TEX38: variants seen among roughly 807,000 people sequenced by gnomAD.
TEX38 encodes the protein testis-expressed protein 38.
In TEX38, 5 loss-of-function variants were observed where a neutral mutation model predicts 2.7. The ratio of observed to expected loss-of-function variants is 1.86; its 90% confidence interval spans 0.97 to 3.90. The LOEUF is 3.90. Ranked by LOEUF, TEX38 falls within the 30% of genes most tolerant of loss-of-function variation. TEX38 has a pLI of 0.00. For synonymous variants in TEX38, 110 were observed against 103.3 expected (o/e 1.06, Z -0.39); for missense variants, 218 against 247.9 (o/e 0.88, Z 0.81).
In TEX38 at chr1:46,672,871, A is replaced by C; in HGVS notation, c.38-2A>C. 1.3e-6 allele frequency: 2 copies of C among 1,547,944 alleles called. No individual in the cohort carries two copies. Among genetic ancestry groups the C allele is most frequent in the East Asian group, 4.9e-5 (2 of 40,810 alleles). ...GCCTCTTTTTCTTTCTTGCTGCCTTAGTGTGGGTCTCATTGTACTTTGGAA... is the reference window on the plus strand; with the variant it reads ...GCCTCTTTTTCTTTCTTGCTGCCTTCGTGTGGGTCTCATTGTACTTTGGAA... On this transcript the variant is annotated splice_acceptor_variant, in intron 1 of 1. Transcript: ENST00000334122. LOFTEE classifies it high-confidence loss of function.
At chr1:46,672,091 GT>G in intron 1 of TEX38, 120 bp downstream of exon 1, 1 of 958,854 alleles carries the variant, frequency 1.0e-6, no homozygotes. Flanking sequence ...GAGCTAAGCA[GT>G]TAGGAGATAG....
At chr1:46,671,182 C>T (rs1450474913), upstream of TEX38, among the ~76,000 whole-genome samples, 1 of 152,120 alleles carries the variant, frequency 6.6e-6, no homozygotes, top group African/African-American at 2.4e-5. Flanking sequence ...TGGGCAGGGG[C>T]ACTCCTGGGT....
chr1:46,673,204 A>G lies in TEX38; in HGVS notation c.369A>G (p.Glu123=), dbSNP rs1421308618. Residue 123 remains glutamate (E), a synonymous_variant, in exon 2 of 2, where the codon GAA becomes GAG. Transcript: ENST00000334122. ...ACCAAGACAGCAACCCCAAGGCGGA[A>G]GCCCCTGCTCCCCTGCAACCTGCAC... is the stretch of plus-strand genomic sequence containing the variant. The part of the protein sequence containing the change: ...HADQDSNPKA[E]APAPLQPALQ... 2 of 1,550,802 alleles carry G rather than the reference A, an allele frequency of 1.3e-6. No individual in the cohort carries two copies.
At chr1:46,671,780 A>C (rs1353377083), upstream of TEX38, 1 of 781,534 alleles carries the variant, frequency 1.3e-6, no homozygotes, top group East Asian at 2.7e-5. Flanking sequence ...AGAATGCCCA[A>C]TTCTCAGAAC....
At chr1:46,671,823 TG>T, upstream of TEX38, 1 of 1,107,322 alleles carries the variant, frequency 9.0e-7, no homozygotes, top group Non-Finnish European at 1.3e-6. Flanking sequence ...ACAAAGGGCC[TG>T]GGCATTCTGG....
At chr1:46,671,327 T>C (rs1676578614), upstream of TEX38, among the ~76,000 whole-genome samples, 1 of 152,080 alleles carries the variant, frequency 6.6e-6, no homozygotes, top group African/African-American at 2.4e-5. Flanking sequence ...GGCCAGATGG[T>C]GGGAAGCCCC....
In TEX38 at chr1:46,673,200, C is replaced by T. The variant is rs1327371605; in HGVS notation, c.365C>T (p.Ala122Val). ...SHADQDSNPK[A>V]EAPAPLQPAL... Reference sequence around the variant, plus strand: ...GCTGACCAAGACAGCAACCCCAAGGCGGAAGCCCCTGCTCCCCTGCAACCT... The same window carrying T: ...GCTGACCAAGACAGCAACCCCAAGGTGGAAGCCCCTGCTCCCCTGCAACCT... Residue 122 changes from alanine to valine, a missense_variant, in exon 2 of 2, where the codon GCG becomes GTG. Transcript: ENST00000334122. 6.4e-6 allele frequency: 10 copies of T among 1,550,560 alleles called. No individual in the cohort carries two copies. In the African/African-American group the frequency reaches 8.2e-5, roughly 13 times the overall value.
chr1:46,672,444 C>T (rs908532600), intron 1 of TEX38, among the ~76,000 whole-genome samples: 1 of 152,102 alleles, frequency 6.6e-6, no homozygotes, highest in African/African-American at 2.4e-5. Context: ...GGGGTTTCAC[C>T]ATGTTGGCCA....
chr1:46,673,264 C>T lies in TEX38; in HGVS notation c.429C>T (p.Ser143=), dbSNP rs1038104626. The change falls in exon 2 of 2, where the codon TCC becomes TCT. Residue 143 remains serine (S), a synonymous_variant. Transcript: ENST00000334122. ...QLAPQQPQAR[S]PFPLPIFQEV... ...CTCCACAGCAGCCCCAGGCCAGATC[C>T]CCATTCCCACTTCCCATCTTTCAGG... 1.3e-6 allele frequency: 2 copies of T among 1,551,544 alleles called. No homozygotes were observed. Among genetic ancestry groups the T allele is most frequent in the East Asian group, 2.4e-5 (1 of 40,920 alleles).
rs751367873 is a variant in TEX38, at chr1:46,673,020, A to G, written c.185A>G (p.Tyr62Cys). The G allele has an allele frequency of 1.4e-5, 21 of 1,551,732 alleles. 1 individual carries two copies. The South Asian group carries it at 2.5e-4, about 18-fold the overall frequency. The change falls in exon 2 of 2, where the codon TAC becomes TGC. Residue 62 changes from tyrosine (Y) to cysteine (C), a missense_variant. By Grantham distance (194) the Tyr-to-Cys change is radical. Coordinates refer to ENST00000334122, the MANE Select transcript of TEX38 (RefSeq NM_001145474.4). ...VEVMRAATFT[Y>C]SPLLYWINKR... ...GTGATGAGAGCTGCCACATTCACCT[A>G]CAGCCCATTGTTGTACTGGATTAAC...
upstream of TEX38, among the ~76,000 whole-genome samples, chr1:46,670,471 G>A (rs902382833): frequency 6.6e-6 from 1 of 152,192 alleles, no homozygotes; most frequent in Non-Finnish European, 1.5e-5. Context: ...GGCAAGGAGG[G>A]ATGTCAACCA....
Position 46,673,205 on chromosome 1 carries a change from G to A in TEX38, c.370G>A (p.Ala124Thr). ...CCAAGACAGCAACCCCAAGGCGGAAGCCCCTGCTCCCCTGCAACCTGCACT... is the reference window on the plus strand; with the variant it reads ...CCAAGACAGCAACCCCAAGGCGGAAACCCCTGCTCCCCTGCAACCTGCACT... ...ADQDSNPKAE[A>T]PAPLQPALQL... Residue 124 changes from alanine (A) to threonine (T), a missense_variant, in exon 2 of 2, where the codon GCC becomes ACC. Transcript: ENST00000334122. 1.3e-6 allele frequency: 2 copies of A among 1,550,590 alleles called. No homozygotes were observed. The highest frequency in any genetic ancestry group is 1.7e-6 in the Non-Finnish European group (2 of 1,146,350).
At chr1:46,671,267 G>A (rs765586814), upstream of TEX38, among the ~76,000 whole-genome samples, 1 of 152,162 alleles carries the variant, frequency 6.6e-6, no homozygotes, top group Non-Finnish European at 1.5e-5. Flanking sequence ...TAGGCAAAAG[G>A]GAAAAGTGTG....
At chr1:46,669,104 G>A (rs1015825312), upstream of TEX38, 4 of 212,376 alleles carry the variant, frequency 1.9e-5, no homozygotes, top group Admixed American at 9.5e-5. Context: ...CTTCCTTACC[G>A]TCTGAACCAG....
At position 46,671,976 on chromosome 1, in the gene TEX38, G is replaced by A. The variant is rs1335536802; in HGVS notation, c.37+5G>A. 6.5e-7 allele frequency: 1 copy of A among 1,533,934 alleles called. No homozygotes were observed. Among genetic ancestry groups the A allele is most frequent in the Admixed American group, 2.0e-5 (1 of 49,796 alleles). On this transcript the variant is annotated splice_donor_5th_base_variant and intron_variant, in intron 1 of 1. Coordinates refer to ENST00000334122, the MANE Select transcript of TEX38 (RefSeq NM_001145474.4). Reference sequence around the variant, plus strand: ...AGGACCTGCGCTTCCCTGGGAGTAAGTGCTCCTCCAGTCCCTGTCACTGGA... The same window carrying A: ...AGGACCTGCGCTTCCCTGGGAGTAAATGCTCCTCCAGTCCCTGTCACTGGA...
upstream of TEX38, chr1:46,671,681 A>T (rs1676584234): frequency 1.2e-5 from 6 of 521,670 alleles, no homozygotes; most frequent in South Asian, 9.5e-5. Context: ...TCTCTGATGG[A>T]AGTAGTAGTG....
intron 1 of TEX38, 93 bp from the exon 2 acceptor site, chr1:46,672,780 G>T: frequency 1.8e-6 from 2 of 1,142,030 alleles, no homozygotes; most frequent in Non-Finnish European, 2.5e-6. Flanking sequence ...AGCGATTGAT[G>T]CATGGGTTAA....
chr1:46,672,002 C>G, intron 1 of TEX38, 31 bp downstream of exon 1: 1 of 1,504,438 alleles, frequency 6.6e-7, no homozygotes, highest in South Asian at 1.3e-5. Flanking sequence ...TGTCACTGGA[C>G]TTGTGCCTTA....
Position 46,673,333 on chromosome 1 carries a change from G to A in TEX38, c.498G>A (p.Leu166=), listed in dbSNP as rs901030555. The A allele has an allele frequency of 4.5e-6, 7 of 1,551,602 alleles. No homozygotes were observed. Among genetic ancestry groups the A allele is most frequent in the Non-Finnish European group, 6.1e-6 (7 of 1,147,012 alleles). The stretch of plus-strand genomic sequence containing the variant: ...CCTTGTGCAACCTACCCCCCCTGCT[G>A]AACCACTCTGTCTCCTATCCTTTGG... ...APPLCNLPPL[L]NHSVSYPLAT... is the part of the protein sequence containing the mutation. The change falls in exon 2 of 2, where the codon CTG becomes CTA. Residue 166 remains leucine (L), a synonymous_variant. Transcript: ENST00000334122.
Sources: gnomAD v4.1 joint callset for allele counts (sites outside exome capture counted in the v4.1 genomes callset) on GRCh38, gnomAD v4.1.1 for gene constraint, MANE v1.5 for transcripts, NCBI Gene and HGNC (gene_info 2026-07-23, HGNC 2026-07-21) for gene names.